SKAP2: variants seen among roughly 807,000 people sequenced by gnomAD.
SKAP2 encodes the protein src kinase associated phosphoprotein 2.
In SKAP2, 28 loss-of-function variants were observed where a neutral mutation model predicts 54.9. The observed-to-expected ratio is 0.51, with a 90% confidence interval of 0.38 to 0.70. The LOEUF (loss-of-function observed/expected upper bound fraction) is 0.70. Among genes scored for constraint, SKAP2 ranks in the 30% least tolerant of loss-of-function variants. The probability of loss-of-function intolerance (pLI) is 0.00; values close to 1 mark genes in which losing one functional copy is unlikely to be tolerated. For missense variants in SKAP2, 356 were observed against 424.1 expected (o/e 0.84, Z 1.41); for synonymous variants, 137 against 134.3 (o/e 1.02, Z -0.14).
At chr7:26,813,437 G>T (rs1186597346) in intron 4 of SKAP2, among the ~76,000 whole-genome samples, 6 of 152,134 alleles carry the variant, frequency 3.9e-5, no homozygotes, top group Non-Finnish European at 7.4e-5. Context: ...AGCTTGCCTT[G>T]TATTAGAACT....
intron 4 of SKAP2, among the ~76,000 whole-genome samples, chr7:26,788,741 T>A (rs1783611592): frequency 6.6e-6 from 1 of 152,206 alleles, no homozygotes; most frequent in South Asian, 2.1e-4. Flanking sequence ...AAATTTCTTG[T>A]AATTTTTTCC....
chr7:26,825,884 C>A (rs1411490104), intron 4 of SKAP2, among the ~76,000 whole-genome samples: 1 of 152,124 alleles, frequency 6.6e-6, no homozygotes, highest in Admixed American at 6.6e-5. Context: ...TTTATTCTCT[C>A]TATACACATT....
the SKAP2 span, among the ~76,000 whole-genome samples, chr7:26,655,462 G>T: frequency 2.0e-5 from 3 of 152,124 alleles, no homozygotes; most frequent in Admixed American, 6.6e-5. Context: ...GTAAACCATT[G>T]TATGATGAAA....
At chr7:26,708,622 G>A (rs1787224260) in intron 9 of SKAP2, among the ~76,000 whole-genome samples, 1 of 152,112 alleles carries the variant, frequency 6.6e-6, no homozygotes, top group East Asian at 1.9e-4. Context: ...TCTATAGGTG[G>A]TGTTCAGAAC....
chr7:26,749,282 C>T (rs376519618), intron 4 of SKAP2, among the ~76,000 whole-genome samples: 5 of 152,012 alleles, frequency 3.3e-5, no homozygotes, highest in Admixed American at 6.6e-5. Flanking sequence ...TGAAAAGGAA[C>T]GTTCTTAACT....
At chr7:26,837,014 G>A (rs919712567) in intron 4 of SKAP2, among the ~76,000 whole-genome samples, 1 of 152,192 alleles carries the variant, frequency 6.6e-6, no homozygotes, top group African/African-American at 2.4e-5. Context: ...CATAAAAAAG[G>A]ATGAGTTCGT....
intron 4 of SKAP2, among the ~76,000 whole-genome samples, chr7:26,794,080 C>T (rs1233306291): frequency 2.0e-5 from 3 of 152,220 alleles, no homozygotes; most frequent in Admixed American, 1.3e-4. Flanking sequence ...GAAAATTGAG[C>T]TGCTATCCCC....
At chr7:26,756,143 T>C (rs1021101809) in intron 4 of SKAP2, among the ~76,000 whole-genome samples, 3 of 152,218 alleles carry the variant, frequency 2.0e-5, no homozygotes, top group African/African-American at 7.2e-5. Flanking sequence ...ACAAGTGGTA[T>C]ACTAATATAT....
chr7:26,771,106 G>T (rs548408136), intron 4 of SKAP2, among the ~76,000 whole-genome samples: 1 of 152,220 alleles, frequency 6.6e-6, no homozygotes, highest in African/African-American at 2.4e-5. Context: ...ATATTAGACG[G>T]TATGGTATAA....
intron 3 of SKAP2, among the ~76,000 whole-genome samples, chr7:26,845,599 G>A (rs1784904483): frequency 6.6e-6 from 1 of 152,212 alleles, no homozygotes; most frequent in South Asian, 2.1e-4. Context: ...GTCCTTTTCA[G>A]AACACTCAAT....
At chr7:26,745,764 C>A (rs925495351) in intron 4 of SKAP2, among the ~76,000 whole-genome samples, 2 of 152,200 alleles carry the variant, frequency 1.3e-5, no homozygotes, top group Admixed American at 6.5e-5. Context: ...ATCTGCCTGC[C>A]TTGGCCTCCC....
At chr7:26,769,535 A>C (rs1783138391) in intron 4 of SKAP2, among the ~76,000 whole-genome samples, 1 of 152,146 alleles carries the variant, frequency 6.6e-6, no homozygotes, top group African/African-American at 2.4e-5. Flanking sequence ...GAGAAGAGGC[A>C]TTCTGGTTTT....
At chr7:26,758,523 C>G (rs570512464) in intron 4 of SKAP2, among the ~76,000 whole-genome samples, 4 of 152,280 alleles carry the variant, frequency 2.6e-5, no homozygotes, top group East Asian at 1.9e-4. Context: ...CATGTACCCA[C>G]ACAAGTTTTC....
rs1043134339 is a variant in SKAP2, at chr7:26,736,291, G to A, written c.469+2504C>T. 2.6e-5 allele frequency among the ~76,000 whole-genome samples: 4 copies of A among 152,082 alleles called. No homozygotes were observed. The East Asian group carries it at 7.7e-4, about 29-fold the overall frequency. On this transcript the variant is annotated intron_variant, in intron 6 of 12. Transcript: ENST00000345317. ...GGCCAAAACCCACCAAAATCAAGAT[G>A]GTGATGAAAATGACCTTTGGTTTTC...
chr7:26,727,559 A>G (rs1484689190), intron 6 of SKAP2, among the ~76,000 whole-genome samples: 1 of 151,614 alleles, frequency 6.6e-6, no homozygotes, highest in Non-Finnish European at 1.5e-5. Context: ...GATGTGAAGG[A>G]AAAAAAAACT....
At chr7:26,850,169 T>C (rs1279837672) in intron 3 of SKAP2, among the ~76,000 whole-genome samples, 1 of 152,234 alleles carries the variant, frequency 6.6e-6, no homozygotes, top group Non-Finnish European at 1.5e-5. Context: ...TGTTATGTGA[T>C]AGAGAACAAT....
At chr7:26,674,390 C>T (rs548478099) in intron 11 of SKAP2, among the ~76,000 whole-genome samples, 115 of 152,192 alleles carry the variant, frequency 7.6e-4, no homozygotes, top group Admixed American at 2.1e-3. Flanking sequence ...TTCATCAAGG[C>T]TACCTCTTTA....
intron 4 of SKAP2, among the ~76,000 whole-genome samples, chr7:26,780,946 G>A (rs1361059778): frequency 2.6e-5 from 4 of 152,232 alleles, no homozygotes; most frequent in Admixed American, 6.5e-5. Context: ...AGGCCATAGT[G>A]TATTAAGGAT....
At chr7:26,842,245 T>TA (rs1447493296) in intron 4 of SKAP2, among the ~76,000 whole-genome samples, 1 of 151,614 alleles carries the variant, frequency 6.6e-6, no homozygotes, top group Non-Finnish European at 1.5e-5. Flanking sequence ...TAGGCACTAT[T>TA]AACAAAAAAA....
Sources: allele counts gnomAD v4.1 joint callset (sites outside exome capture counted in the v4.1 genomes callset), GRCh38; gene constraint gnomAD v4.1.1; transcripts MANE v1.5; gene names NCBI Gene and HGNC (gene_info 2026-07-23, HGNC 2026-07-21).